Variants in TMCO4 observed in about 807,000 individuals in gnomAD.
The protein encoded by TMCO4 is transmembrane and coiled-coil domains 4.
Under a neutral mutation model 64.7 loss-of-function variants are expected in TMCO4, and 58 were observed. The ratio of observed to expected loss-of-function variants is 0.90; its 90% CI spans 0.73 to 1.12. TMCO4 has a LOEUF of 1.12. TMCO4 is among the 50% of genes most tolerant of loss of function. The pLI, the probability that TMCO4 is intolerant of heterozygous loss-of-function variation, is 0.00. For synonymous variants in TMCO4, 325 were observed against 346.1 expected (o/e 0.94, Z 0.68); for missense variants, 780 against 825.9 (o/e 0.94, Z 0.68).
chr1:19,722,117 GCTA>G (rs2095387295), intron 13 of TMCO4, among the ~76,000 whole-genome samples: 2 of 152,188 alleles, frequency 1.3e-5, no homozygotes, highest in Non-Finnish European at 2.9e-5. Flanking sequence ...CTAAGCAGAG[GCTA>G]GTAGACAGAT....
intron 5 of TMCO4, among the ~76,000 whole-genome samples, 171 bp from the exon 6 acceptor site, chr1:19,770,740 T>C (rs1054108646): frequency 2.6e-5 from 4 of 152,176 alleles, no homozygotes; most frequent in East Asian, 1.9e-4. Flanking sequence ...AAGAAATACA[T>C]GAGGACTTCA....
At chr1:19,709,061 A>AG (rs1042879382) in intron 13 of TMCO4, among the ~76,000 whole-genome samples, 9 of 152,236 alleles carry the variant, frequency 5.9e-5, no homozygotes, top group African/African-American at 2.2e-4. Context: ...CACAGAAGGG[A>AG]GGGGGGACCA....
In TMCO4 at chr1:19,703,983, CACAG is replaced by C. The variant is rs1257356067; in HGVS notation, c.1265-3102_1265-3099del. 3.3e-4 allele frequency among the ~76,000 whole-genome samples: 51 copies of C among 152,350 alleles called. 2 individuals are homozygous for C. In the South Asian group the frequency reaches 0.01, roughly 31 times the overall value. On this transcript the variant is annotated intron_variant, in intron 13 of 15. Coordinates refer to ENST00000294543, the MANE Select transcript of TMCO4 (RefSeq NM_181719.7). The stretch of plus-strand genomic sequence containing the variant: ...TGCTGAGCGACACAGGACAGACAGA[CACAG>C]ACAGAGACAGCTTCCTCTCTCTGGG...
chr1:19,742,252 T>C (rs2095482884), intron 10 of TMCO4, among the ~76,000 whole-genome samples: 1 of 152,210 alleles, frequency 6.6e-6, no homozygotes, highest in Admixed American at 6.5e-5. Context: ...TCTGCAATTA[T>C]TCGCTATTTA....
chr1:19,706,224 C>T (rs958190654), intron 13 of TMCO4, among the ~76,000 whole-genome samples: 72 of 152,302 alleles, frequency 4.7e-4, no homozygotes, highest in African/African-American at 1.6e-3. Context: ...CTTGCAGTGT[C>T]AAGCAAGTCC....
At chr1:19,747,516 TAA>T (rs2100890368) in intron 7 of TMCO4, among the ~76,000 whole-genome samples, 1 of 152,146 alleles carries the variant, frequency 6.6e-6, no homozygotes, top group South Asian at 2.1e-4. Context: ...ATTTGAATAA[TAA>T]AAAGACAAAA....
chr1:19,768,869 G>A (rs2042860468), intron 6 of TMCO4, among the ~76,000 whole-genome samples: 1 of 152,274 alleles, frequency 6.6e-6, no homozygotes, highest in East Asian at 1.9e-4. Context: ...CAGTGCCGAT[G>A]CTGCTGGGTC....
intron 4 of TMCO4, among the ~76,000 whole-genome samples, chr1:19,775,687 C>T (rs138611277): frequency 2.0e-5 from 3 of 152,186 alleles, no homozygotes; most frequent in Non-Finnish European, 4.4e-5. Context: ...TGGCAGAAGA[C>T]GTCTGTCCAT....
chr1:19,682,977 C>G lies in TMCO4; in HGVS notation c.*63G>C, dbSNP rs559968078. On this transcript the variant is annotated 3_prime_UTR_variant, in exon 16 of 16. Transcript: ENST00000294543. ...ACCTCCAGAGCTCCTGGGAGGAACC[C>G]GAGGGTATAAGAGAGAGCTGCATAT... 2.6e-6 allele frequency: 4 copies of G among 1,517,198 alleles called. No individual in the cohort carries two copies. The Admixed American group carries it at 9.0e-5, about 34-fold the overall frequency. The allele number at this position is 1,517,198 out of a possible 1,614,324, so 94.0% of individuals were successfully genotyped here.
chr1:19,784,643 C>A (rs2043642805), intron 3 of TMCO4, among the ~76,000 whole-genome samples: 1 of 152,104 alleles, frequency 6.6e-6, no homozygotes, highest in South Asian at 2.1e-4. Flanking sequence ...GCCTCAGTGA[C>A]CTTTTTGTCA....
rs1204839044 is a variant in TMCO4, at chr1:19,771,440, C to T, written c.222G>A (p.Leu74=). Residue 74 remains leucine, a synonymous_variant, in exon 5 of 16, where the codon CTG becomes CTA. Coordinates refer to ENST00000294543, the MANE Select transcript of TMCO4 (RefSeq NM_181719.7). ...TTGGCAAGACAGCTTCAGACAACTC[C>T]AGCCACTGCACCAGGCCTGCCATGA... ...TEFMAGLVQW[L]ELSEAVLPTM... is the part of the protein sequence containing the mutation. The T allele has an allele frequency of 1.9e-6, 3 of 1,614,158 alleles. No homozygotes were observed. Among genetic ancestry groups the T allele is most frequent in the Admixed American group, 1.7e-5 (1 of 60,024 alleles).
chr1:19,796,224 C>G (rs954986515), intron 2 of TMCO4, among the ~76,000 whole-genome samples: 5 of 152,226 alleles, frequency 3.3e-5, no homozygotes, highest in Non-Finnish European at 5.9e-5. Context: ...ACACAGCTGG[C>G]AAGTCCTAGG....
chr1:19,771,273 T>C (rs1212885011), intron 5 of TMCO4, 35 bp downstream of exon 5: 1 of 1,598,394 alleles, frequency 6.3e-7, no homozygotes, highest in Non-Finnish European at 8.5e-7. Context: ...TTTGTTCTAC[T>C]GTCCCCAGCA....
intron 13 of TMCO4, among the ~76,000 whole-genome samples, chr1:19,702,285 C>CAGAAAAAA (rs751695121): frequency 0.073 from 7,474 of 102,744 alleles, 295 homozygotes; most frequent in Admixed American, 0.12. Flanking sequence ...CTTGTCTTTA[C>CAGAAAAAA]AAAAAAAAAA....
At chr1:19,755,017 T>C (rs567660317) in intron 7 of TMCO4, among the ~76,000 whole-genome samples, 1 of 152,316 alleles carries the variant, frequency 6.6e-6, no homozygotes, top group Admixed American at 6.5e-5. Context: ...AGGTCAATTG[T>C]GCCCGTGAAC....
chr1:19,764,724 A>G (rs916154848), intron 6 of TMCO4, among the ~76,000 whole-genome samples: 2 of 151,920 alleles, frequency 1.3e-5, no homozygotes, highest in African/African-American at 4.8e-5. Flanking sequence ...GCGTGGTGGC[A>G]CATGCCTGTA....
chr1:19,787,531 C>T (rs1157605867), intron 2 of TMCO4, among the ~76,000 whole-genome samples: 1 of 152,210 alleles, frequency 6.6e-6, no homozygotes, highest in Non-Finnish European at 1.5e-5. Flanking sequence ...AATGAACTAG[C>T]TTTCAGGCTT....
At chr1:19,761,169 G>A (rs1004527552) in intron 6 of TMCO4, among the ~76,000 whole-genome samples, 1 of 152,174 alleles carries the variant, frequency 6.6e-6, no homozygotes, top group Non-Finnish European at 1.5e-5. Flanking sequence ...CCTGGACAGC[G>A]AGTAGTAAAG....
intron 10 of TMCO4, among the ~76,000 whole-genome samples, chr1:19,742,840 A>ATCC (rs1433910270): frequency 2.0e-5 from 3 of 152,162 alleles, no homozygotes; most frequent in Non-Finnish European, 4.4e-5. Context: ...TCATGAGGTG[A>ATCC]AGGGATCAAG....
Sources: gnomAD v4.1 joint callset for allele counts (sites outside exome capture counted in the v4.1 genomes callset) on GRCh38, gnomAD v4.1.1 for gene constraint, MANE v1.5 for transcripts, NCBI Gene and HGNC (gene_info 2026-07-23, HGNC 2026-07-21) for gene names.